BRSK1: variants seen among roughly 807,000 people sequenced by gnomAD.
BRSK1 encodes serine/threonine-protein kinase BRSK1.
A neutral mutation model predicts 86.2 loss-of-function variants in BRSK1; 17 were observed. The ratio of observed to expected loss-of-function variants is 0.20; its 90% CI spans 0.14 to 0.30. BRSK1 has a LOEUF of 0.30. Among genes scored for constraint, BRSK1 ranks in the 10% least tolerant of loss-of-function variants. The probability of loss-of-function intolerance (pLI) is 1.00; values close to 1 mark genes in which losing one functional copy is unlikely to be tolerated. For synonymous variants in BRSK1, 464 were observed against 440.1 expected (o/e 1.05, Z -0.68); for missense variants, 719 against 1,071.9 (o/e 0.67, Z 4.60).
chr19:55,296,604 T>C (rs755394457), intron 7 of BRSK1, among the ~76,000 whole-genome samples: 3 of 152,062 alleles, frequency 2.0e-5, no homozygotes. Flanking sequence ...CACAGCACTT[T>C]GGGAGGCCGA....
rs147293264 is a variant in BRSK1, at chr19:55,306,705, A to T, written c.2089+255A>T. ...TCTCCTTGAAGCTTCCAAGCAGCCT[A>T]CTGAGGTGTTAGTAATCACCCATTT... On this transcript the variant is annotated intron_variant, in intron 17 of 18. Coordinates refer to ENST00000309383, the MANE Select transcript of BRSK1 (RefSeq NM_032430.2). The surrounding 1 kb of genome is among the most constrained non-coding windows in gnomAD (Gnocchi z 4.7). 2.6e-5 allele frequency among the ~76,000 whole-genome samples: 4 copies of T among 152,164 alleles called. No individual in the cohort carries two copies. The highest frequency in any genetic ancestry group is 9.7e-5 in the African/African-American group (4 of 41,440).
At chr19:55,309,744 A>G (rs373132207) in intron 18 of BRSK1, among the ~76,000 whole-genome samples, 2 of 152,226 alleles carry the variant, frequency 1.3e-5, no homozygotes, top group Admixed American at 6.5e-5. Flanking sequence ...AGTGTTCAGT[A>G]GAGAGCATAA....
At position 55,284,097 on chromosome 19, in the gene BRSK1, G is replaced by A; in HGVS notation, c.-346G>A. On this transcript the variant is annotated 5_prime_UTR_variant, in exon 1 of 19. Transcript: ENST00000309383. ...GAGAGGGCGCGTGGGGGGGCGGGGG[G>A]GACCTCGGCCTGCAGCATCCGCCGG... 3.7e-5 allele frequency: 14 copies of A among 377,044 alleles called. No individual in the cohort carries two copies. Among genetic ancestry groups the A allele is most frequent in the Non-Finnish European group, 5.5e-5 (12 of 217,364 alleles). The allele number at this position is 377,044 out of a possible 1,614,324, so 23.4% of individuals were successfully genotyped here.
intron 4 of BRSK1, among the ~76,000 whole-genome samples, chr19:55,291,587 T>C (rs1056678517): frequency 6.6e-6 from 1 of 152,136 alleles, no homozygotes; most frequent in Non-Finnish European, 1.5e-5. Context: ...ATGTGCAACG[T>C]TTTTCTAACT....
chr19:55,287,270 C>T lies in BRSK1; in HGVS notation c.288C>T (p.Leu96=). 1 of 1,614,054 alleles carries T rather than the reference C, an allele frequency of 6.2e-7. No individual in the cohort carries two copies. Among genetic ancestry groups the T allele is most frequent in the Non-Finnish European group, 8.5e-7 (1 of 1,179,974 alleles). The change falls in exon 3 of 19, where the codon CTC becomes CTT. Residue 96 remains leucine, a synonymous_variant. Coordinates refer to ENST00000309383, the MANE Select transcript of BRSK1 (RefSeq NM_032430.2). The surrounding 1 kb of genome is among the most constrained non-coding windows in gnomAD (Gnocchi z 5.3). ...TCGAACACCCACATGTCCTCAAGCT[C>T]CACGACGTCTACGAGAACAAGAAAT... ...KLIEHPHVLK[L]HDVYENKKYL...
chr19:55,307,792 TA>T (rs1179159266), intron 17 of BRSK1, among the ~76,000 whole-genome samples: 80 of 88,306 alleles, frequency 9.1e-4, no homozygotes, highest in Non-Finnish European at 8.5e-4. Context: ...ACACACAATT[TA>T]AAAAAAAAAA....
Position 55,310,552 on chromosome 19 carries a change from C to G in BRSK1, c.2180-1359C>G, listed in dbSNP as rs2088762188. Among the ~76,000 whole-genome samples, 1 of 151,990 alleles carries G rather than the reference C, an allele frequency of 6.6e-6. No individual in the cohort carries two copies. Among genetic ancestry groups the G allele is most frequent in the African/African-American group, 2.4e-5 (1 of 41,402 alleles). ...GGCCGTTATTCAGCCTAGCCCAACC[C>G]CCTAGGGACATTTAGTAATGTCTGG... On this transcript the variant is annotated intron_variant, in intron 18 of 18. Transcript: ENST00000309383. The surrounding 1 kb of genome is among the most constrained non-coding windows in gnomAD (Gnocchi z 5.0).
At chr19:55,296,139 C>T (rs2088483177) in intron 7 of BRSK1, among the ~76,000 whole-genome samples, 1 of 152,032 alleles carries the variant, frequency 6.6e-6, no homozygotes, top group African/African-American at 2.4e-5. Flanking sequence ...TCCCCTGCCC[C>T]CACTCCTCCT....
intron 17 of BRSK1, among the ~76,000 whole-genome samples, chr19:55,308,024 G>T (rs1264292136): frequency 1.4e-5 from 2 of 139,536 alleles, no homozygotes; most frequent in Admixed American, 7.2e-5. Flanking sequence ...TTGTTGTTTG[G>T]TTTTTTTTTT....
intron 16 of BRSK1, 61 bp downstream of exon 16, chr19:55,305,647 C>G: frequency 6.2e-7 from 1 of 1,609,722 alleles, no homozygotes. Context: ...CCAGCAGCCC[C>G]TGGGGCTAAC....
intron 4 of BRSK1, among the ~76,000 whole-genome samples, chr19:55,293,537 G>A (rs1398081765): frequency 2.0e-5 from 3 of 150,242 alleles, no homozygotes; most frequent in African/African-American, 4.9e-5. Flanking sequence ...ATAAGGCTGG[G>A]TGCTGTGGTT....
At position 55,302,909 on chromosome 19, in the gene BRSK1, C is replaced by A; in HGVS notation, c.1028+42C>A. The A allele has an allele frequency of 6.3e-7, 1 of 1,585,418 alleles. No individual in the cohort carries two copies. The highest frequency in any genetic ancestry group is 1.3e-5 in the African/African-American group (1 of 74,448). ...CCTGCACCCGTGTACCCACGTGGGGCGAGCTGCAGCAGCTCCCTGCGCACA... is the reference window on the plus strand; with the variant it reads ...CCTGCACCCGTGTACCCACGTGGGGAGAGCTGCAGCAGCTCCCTGCGCACA... On this transcript the variant is annotated intron_variant, in intron 10 of 18. Coordinates refer to ENST00000309383, the MANE Select transcript of BRSK1 (RefSeq NM_032430.2). This position sits in a 1 kb window ranked among gnomAD's most constrained non-coding sequence, Gnocchi z 6.3.
In BRSK1 at chr19:55,294,497, T is replaced by C; in HGVS notation, c.678+100T>C. On this transcript the variant is annotated intron_variant, in intron 7 of 18. Coordinates refer to ENST00000309383, the MANE Select transcript of BRSK1 (RefSeq NM_032430.2). The surrounding 1 kb of genome is among the most constrained non-coding windows in gnomAD (Gnocchi z 4.9). ...CCTCAGGTCATCTCCTGAATTTATTTATGAATTTTATTTATTTATTTTGAG... is the reference window on the plus strand; with the variant it reads ...CCTCAGGTCATCTCCTGAATTTATTCATGAATTTTATTTATTTATTTTGAG... 1 of 1,345,368 alleles carries C rather than the reference T, an allele frequency of 7.4e-7. No individual in the cohort carries two copies. The highest frequency in any genetic ancestry group is 1.0e-6 in the Non-Finnish European group (1 of 978,208). The allele number at this position is 1,345,368 out of a possible 1,614,324, so 83.3% of individuals were successfully genotyped here.
rs372052269 is a variant in BRSK1, at chr19:55,312,533, CAAAAAAA to C, written c.*488_*494del. The C allele has an allele frequency of 0.023, 584 of 25,662 alleles. 4 individuals carry two copies. Among genetic ancestry groups the C allele is most frequent in the Admixed American group, 0.035 (51 of 1,448 alleles). 1.6% of individuals were successfully genotyped at this position (25,662 alleles called of 1,614,324 possible). The stretch of plus-strand genomic sequence containing the variant: ...TCCGTGTCTCTGATTCCGCCGGCGG[CAAAAAAA>C]AAAAAAAAAAAAAAAAAAAAAAGAT... On this transcript the variant is annotated 3_prime_UTR_variant, in exon 19 of 19. Transcript: ENST00000309383.
intron 4 of BRSK1, 46 bp from the exon 5 acceptor site, chr19:55,293,971 C>T (rs2088446888): frequency 1.3e-6 from 2 of 1,551,418 alleles, no homozygotes; most frequent in Non-Finnish European, 8.8e-7. Flanking sequence ...GGGCCTGGGC[C>T]TCCTGGGAGG....
Position 55,302,231 on chromosome 19 carries a change from A to G in BRSK1, c.857+63A>G. 2 of 1,585,104 alleles carry G rather than the reference A, an allele frequency of 1.3e-6. No individual in the cohort carries two copies. The highest frequency in any genetic ancestry group is 4.5e-5 in the East Asian group (2 of 44,674). ...GAAATAGGGGAGGGGCCAAAGCAGT[A>G]GAAGCGGCTGGGAGGGGTGGGATGC... On this transcript the variant is annotated intron_variant, in intron 9 of 18. Coordinates refer to ENST00000309383, the MANE Select transcript of BRSK1 (RefSeq NM_032430.2). This position sits in a 1 kb window ranked among gnomAD's most constrained non-coding sequence, Gnocchi z 6.3.
Position 55,286,158 on chromosome 19 carries a change from G to T in BRSK1, c.137-849G>T, listed in dbSNP as rs572073321. Among the ~76,000 whole-genome samples the T allele has an allele frequency of 6.0e-4, 82 of 136,708 alleles. No individual in the cohort carries two copies. In the East Asian group the frequency reaches 0.016, roughly 27 times the overall value. 89.7% of individuals were successfully genotyped at this position (136,708 alleles called of 152,430 possible). The stretch of plus-strand genomic sequence containing the variant: ...GTCTGAGGGAGGAAGGGGCTGGGGG[G>T]GCTGGATTCCTGGGTCTGAGGGAGG... On this transcript the variant is annotated intron_variant, in intron 1 of 18. Coordinates refer to ENST00000309383, the MANE Select transcript of BRSK1 (RefSeq NM_032430.2).
chr19:55,299,104 C>T (rs1207297809), intron 7 of BRSK1, among the ~76,000 whole-genome samples: 3 of 151,904 alleles, frequency 2.0e-5, no homozygotes, highest in Non-Finnish European at 4.4e-5. Context: ...TGCAGTGAGC[C>T]GAGGTCATGC....
In BRSK1 at chr19:55,294,428, TA is replaced by T. The variant is rs1481134835; in HGVS notation, c.678+32del. On this transcript the variant is annotated intron_variant, in intron 7 of 18. Coordinates refer to ENST00000309383, the MANE Select transcript of BRSK1 (RefSeq NM_032430.2). This position sits in a 1 kb window ranked among gnomAD's most constrained non-coding sequence, Gnocchi z 4.9. ...GCGCCCTCACCTCTCCTGTCATTTC[TA>T]GATCAATCCCACCTGGTGGGAGCAT... The T allele has an allele frequency of 1.2e-6, 2 of 1,611,264 alleles. No homozygotes were observed. Among genetic ancestry groups the T allele is most frequent in the Non-Finnish European group, 1.7e-6 (2 of 1,178,736 alleles).
Sources: gnomAD v4.1 joint callset for allele counts (sites outside exome capture counted in the v4.1 genomes callset) on GRCh38, gnomAD v4.1.1 for gene constraint, Gnocchi (gnomAD v3.1) non-coding constraint, MANE v1.5 for transcripts, NCBI Gene and HGNC (gene_info 2026-07-23, HGNC 2026-07-21) for gene names.